The following KNL1 variants were observed in gnomAD, a reference collection of about 807,000 sequenced individuals.
KNL1 encodes the protein kinetochore scaffold 1.
KNL1 carries 66 observed loss-of-function variants against 201.3 expected under a neutral mutation model. The observed-to-expected ratio is 0.33, with a 90% confidence interval of 0.27 to 0.40. KNL1 has a LOEUF of 0.40. Among genes scored for constraint, KNL1 ranks in the 10% least tolerant of loss-of-function variants. KNL1 has a pLI of 1.00. For synonymous variants in KNL1, 895 were observed against 899.2 expected (o/e 1.00, Z 0.08); for missense variants, 2,815 against 2,690.5 (o/e 1.05, Z -1.02).
Position 40,650,524 on chromosome 15 carries a change from T to A in KNL1, c.6173-20T>A. 6.4e-7 allele frequency: 1 copy of A among 1,553,300 alleles called. No individual in the cohort carries two copies. The highest frequency in any genetic ancestry group is 1.2e-5 in the South Asian group (1 of 81,662). ...TTCTAATATGTTTGTTCTGTTTTTT[T>A]TTTTTTTCTGTTTCCAAAGAATTGG... is the stretch of plus-strand genomic sequence containing the variant. On this transcript the variant is annotated intron_variant, in intron 18 of 25. Transcript: ENST00000399668.
intron 14 of KNL1, among the ~76,000 whole-genome samples, chr15:40,643,505 C>T (rs1211266551): frequency 6.6e-6 from 1 of 152,032 alleles, no homozygotes; most frequent in Non-Finnish European, 1.5e-5. Flanking sequence ...ATTAGCTGGG[C>T]GTGGTGGCAC....
chr15:40,615,470 GA>G (rs1185395120), intron 8 of KNL1, 92 bp downstream of exon 8: 21 of 326,082 alleles, frequency 6.4e-5, no homozygotes, highest in Middle Eastern at 9.6e-4. Flanking sequence ...CATGAACCAC[GA>G]AAAAAAAGCA....
At chr15:40,642,501 A>C (rs1021208945) in intron 14 of KNL1, among the ~76,000 whole-genome samples, 3 of 152,204 alleles carry the variant, frequency 2.0e-5, no homozygotes, top group Non-Finnish European at 2.9e-5. Flanking sequence ...TTGAGCACCT[A>C]CATCTGCCAG....
chr15:40,655,785 T>A (rs1272790054), intron 22 of KNL1, among the ~76,000 whole-genome samples: 13 of 144,948 alleles, frequency 9.0e-5, no homozygotes, highest in African/African-American at 3.3e-4. Flanking sequence ...GCGTGGTGGC[T>A]GGCGCCTGTA....
At position 40,662,242 on chromosome 15, in the gene KNL1, G is replaced by C; in HGVS notation, c.*54G>C. ...GCAGAATGTACTTGATATTATTTCA[G>C]GGTCCCATTGCTGTTCAGCCTTTGT... On this transcript the variant is annotated 3_prime_UTR_variant, in exon 26 of 26. Transcript: ENST00000399668. 1 of 999,086 alleles carries C rather than the reference G, an allele frequency of 1.0e-6. No individual in the cohort carries two copies. The highest frequency in any genetic ancestry group is 1.3e-5 in the South Asian group (1 of 75,622). 61.9% of individuals were successfully genotyped at this position (999,086 alleles called of 1,614,324 possible).
At chr15:40,654,573 T>TAAAA (rs10626725) in intron 21 of KNL1, among the ~76,000 whole-genome samples, 2 of 143,456 alleles carry the variant, frequency 1.4e-5, no homozygotes, top group African/African-American at 5.1e-5. Flanking sequence ...TCAGGTAGTT[T>TAAAA]AAAAAAAAAA....
chr15:40,621,787 TAGC>T lies in KNL1; in HGVS notation c.1527_1529del (p.Ala511del), dbSNP rs1567007594. 1.2e-6 allele frequency: 2 copies of T among 1,613,916 alleles called. No homozygotes were observed. Among genetic ancestry groups the T allele is most frequent in the Non-Finnish European group, 1.7e-6 (2 of 1,179,862 alleles). On this transcript the variant is annotated inframe_deletion, in exon 10 of 26. Transcript: ENST00000399668. ...AAACAAGATCAATCAAATGTGCAAA[TAGC>T]AGCTGCACCAACACCCGAAAAAGAA...
intron 1 of KNL1, among the ~76,000 whole-genome samples, chr15:40,600,293 T>A (rs539294393): frequency 8.5e-5 from 13 of 152,326 alleles, no homozygotes; most frequent in Middle Eastern, 3.4e-3. Context: ...CAGGCTGGTC[T>A]CAAACTCCTG....
Position 40,649,621 on chromosome 15 carries a change from G to T in KNL1, c.6095-680G>T, listed in dbSNP as rs566815332. On this transcript the variant is annotated intron_variant, in intron 17 of 25. Coordinates refer to ENST00000399668, the MANE Select transcript of KNL1 (RefSeq NM_144508.5). ...TTTCTTTTATTTAAAAAAAAAAAAAGAGAGGCAGAGTCTCACTCTGTTGCC... is the reference window on the plus strand; with the variant it reads ...TTTCTTTTATTTAAAAAAAAAAAAATAGAGGCAGAGTCTCACTCTGTTGCC... 6.0e-5 allele frequency among the ~76,000 whole-genome samples: 9 copies of T among 149,162 alleles called. No homozygotes were observed. The East Asian group carries it at 1.8e-3, about 30-fold the overall frequency.
In KNL1 at chr15:40,647,213, G is replaced by A. The variant is rs564067643; in HGVS notation, c.6094+139G>A. On this transcript the variant is annotated intron_variant, in intron 17 of 25. Coordinates refer to ENST00000399668, the MANE Select transcript of KNL1 (RefSeq NM_144508.5). ...ATTAAATTAGAGTAAATTGGCTCAC[G>A]CCTGTAATCCCAGCACTTTGGGAGG... 3.4e-4 allele frequency: 180 copies of A among 536,310 alleles called. 2 individuals carry two copies. Among genetic ancestry groups the A allele is most frequent in the South Asian group, 1.5e-3 (76 of 51,620 alleles). The allele number at this position is 536,310 out of a possible 1,614,324, so 33.2% of individuals were successfully genotyped here.
At chr15:40,639,771 CA>C (rs911155384) in intron 13 of KNL1, among the ~76,000 whole-genome samples, 53 of 138,248 alleles carry the variant, frequency 3.8e-4, no homozygotes, top group Non-Finnish European at 4.3e-4. Context: ...GACCCCATCT[CA>C]AAAAAAAAAA....
chr15:40,646,632 C>G (rs1469287710), intron 16 of KNL1: 1 of 153,930 alleles, frequency 6.5e-6, no homozygotes, highest in African/African-American at 2.4e-5. Flanking sequence ...CCAAGGCGGG[C>G]GGATCACGAG....
intron 5 of KNL1, 136 bp downstream of exon 5, chr15:40,609,044 T>G (rs781733054): frequency 6.2e-5 from 37 of 596,256 alleles, no homozygotes; most frequent in Non-Finnish European, 9.6e-5. Context: ...TTCAGTATTA[T>G]GTTTAAAAGA....
At chr15:40,661,353 G>A (rs187462605) in intron 25 of KNL1, among the ~76,000 whole-genome samples, 6 of 152,184 alleles carry the variant, frequency 3.9e-5, no homozygotes, top group East Asian at 3.9e-4. Context: ...ATAGCCAGGC[G>A]TGGTGGCAGG....
intron 22 of KNL1, among the ~76,000 whole-genome samples, chr15:40,656,158 C>T (rs1330351703): frequency 1.3e-5 from 2 of 151,678 alleles, no homozygotes; most frequent in African/African-American, 4.8e-5. Context: ...TTGCTGGGTG[C>T]CGTGGCTCAC....
chr15:40,602,415 C>A (rs750996908), intron 1 of KNL1, among the ~76,000 whole-genome samples: 2 of 150,822 alleles, frequency 1.3e-5, no homozygotes, highest in Non-Finnish European at 2.9e-5. Context: ...AGATTACAGG[C>A]ATGAGCCACC....
chr15:40,659,275 A>G (rs1439823159), intron 24 of KNL1, 64 bp from the exon 25 acceptor site: 23 of 1,508,984 alleles, frequency 1.5e-5, no homozygotes, highest in Non-Finnish European at 1.9e-5. Flanking sequence ...AAAAAAAAAA[A>G]AAAGAAATTG....
Position 40,628,095 on chromosome 15 carries a change from A to T in KNL1, c.5402A>T (p.Asp1801Val), listed in dbSNP as rs1892804934. Residue 1801 changes from aspartate (D) to valine (V), a missense_variant, in exon 11 of 26, where the codon GAT becomes GTT. Physicochemically the swap from Asp to Val is radical, Grantham distance 152. Transcript: ENST00000399668. ...ATTTTTGATCACCATACTGAAGAGGATATAGATAAAAGTGCTAACAGTGTA... is the reference window on the plus strand; with the variant it reads ...ATTTTTGATCACCATACTGAAGAGGTTATAGATAAAAGTGCTAACAGTGTA... ...REIFDHHTEE[D>V]IDKSANSVLI... 2 of 1,607,158 alleles carry T rather than the reference A, an allele frequency of 1.2e-6. No individual in the cohort carries two copies. The highest frequency in any genetic ancestry group is 1.7e-5 in the Admixed American group (1 of 58,070).
At position 40,619,144 on chromosome 15, in the gene KNL1, T is replaced by C. The variant is rs566410464; in HGVS notation, c.375+133T>C. ...ATCAGCATAAACTGGAAAGGCTTCC[T>C]ACCTTTCCAGTTAACTTAAGGATAG... On this transcript the variant is annotated intron_variant, in intron 9 of 25. Coordinates refer to ENST00000399668, the MANE Select transcript of KNL1 (RefSeq NM_144508.5). The C allele has an allele frequency of 4.3e-5, 29 of 671,242 alleles. No homozygotes were observed. In the African/African-American group the frequency reaches 4.6e-4, roughly 11 times the overall value. 41.6% of individuals were successfully genotyped at this position (671,242 alleles called of 1,614,324 possible).
Sources: gnomAD v4.1 joint callset for allele counts (sites outside exome capture counted in the v4.1 genomes callset) on GRCh38, gnomAD v4.1.1 for gene constraint, MANE v1.5 for transcripts, NCBI Gene and HGNC (gene_info 2026-07-23, HGNC 2026-07-21) for gene names.